Variants in PDGFD observed in about 807,000 individuals in gnomAD.
PDGFD encodes platelet derived growth factor D, also known as platelet-derived growth factor D.
In PDGFD, 30 loss-of-function variants were observed where a neutral mutation model predicts 44.7. That is an observed-to-expected ratio of 0.67 (90% CI 0.50 to 0.91). The LOEUF is 0.91. Among genes scored for constraint, PDGFD ranks in the 40% least tolerant of loss-of-function variants. The pLI, the probability that PDGFD is intolerant of heterozygous loss-of-function variation, is 0.00. For missense variants in PDGFD, 445 were observed against 457.8 expected, an observed-to-expected ratio of 0.97 and a Z score of 0.25; for synonymous variants, 173 against 168.4, an observed-to-expected ratio of 1.03 and a Z score of -0.21.
chr11:104,049,952 A>T (rs562862546), intron 1 of PDGFD, among the ~76,000 whole-genome samples: 1 of 152,304 alleles, frequency 6.6e-6, no homozygotes, highest in South Asian at 2.1e-4. Context: ...TCAGGAGAGA[A>T]TTCTTTCAGG....
chr11:103,923,920 C>T (rs890312800), intron 6 of PDGFD, among the ~76,000 whole-genome samples: 2 of 152,102 alleles, frequency 1.3e-5, no homozygotes, highest in African/African-American at 4.8e-5. Flanking sequence ...GATACAGTTT[C>T]AAAGGATGCC....
intron 1 of PDGFD, among the ~76,000 whole-genome samples, chr11:104,136,244 T>C (rs955010960): frequency 2.0e-5 from 3 of 152,304 alleles, no homozygotes; most frequent in South Asian, 2.1e-4. Context: ...AGGCTATATA[T>C]GACTGAATGC....
intron 1 of PDGFD, among the ~76,000 whole-genome samples, chr11:104,155,583 C>A (rs972746664): frequency 6.6e-6 from 1 of 152,156 alleles, no homozygotes; most frequent in African/African-American, 2.4e-5. Context: ...CCACATAAAC[C>A]AGGGTGATGT....
chr11:104,106,986 C>G (rs1861480547), intron 1 of PDGFD, among the ~76,000 whole-genome samples: 1 of 152,078 alleles, frequency 6.6e-6, no homozygotes, highest in South Asian at 2.1e-4. Context: ...CTCAAGTGAT[C>G]CTTCTGCCTC....
rs191108387 is a variant in PDGFD, at chr11:103,943,321, G to A, written c.772+131C>T. ...TGAGCCAGCAAGTATAAATGTAAAT[G>A]TTCCAAAATCCAAAAAGCATCCAAA... On this transcript the variant is annotated intron_variant, in intron 5 of 6. Coordinates refer to ENST00000393158, the MANE Select transcript of PDGFD (RefSeq NM_025208.5). 3.6e-4 allele frequency: 309 copies of A among 859,224 alleles called. 1 individual carries two copies. Among genetic ancestry groups the A allele is most frequent in the Admixed American group, 2.0e-3 (70 of 35,828 alleles). The allele number at this position is 859,224 out of a possible 1,614,324, so 53.2% of individuals were successfully genotyped here.
At chr11:104,098,348 G>C (rs1861315405) in intron 1 of PDGFD, among the ~76,000 whole-genome samples, 1 of 152,126 alleles carries the variant, frequency 6.6e-6, no homozygotes, top group Non-Finnish European at 1.5e-5. Context: ...GAAAGCAAAA[G>C]TAAGAAGAGG....
chr11:104,018,193 G>C (rs983179976), intron 1 of PDGFD, among the ~76,000 whole-genome samples: 1 of 150,644 alleles, frequency 6.6e-6, no homozygotes, highest in Non-Finnish European at 1.5e-5. Context: ...GGAAAATAAA[G>C]ACTGGGACTC....
chr11:104,008,945 TAACA>T (rs1859742533), intron 1 of PDGFD, among the ~76,000 whole-genome samples: 4 of 152,164 alleles, frequency 2.6e-5, no homozygotes, highest in African/African-American at 7.2e-5. Flanking sequence ...CATTTAAAGA[TAACA>T]AATAAAAGGC....
intron 1 of PDGFD, among the ~76,000 whole-genome samples, chr11:104,114,544 T>C (rs1861604134): frequency 6.6e-6 from 1 of 152,052 alleles, no homozygotes; most frequent in Non-Finnish European, 1.5e-5. Context: ...TCCAACTTTG[T>C]TTTCACATCC....
intron 1 of PDGFD, among the ~76,000 whole-genome samples, chr11:104,145,827 G>A (rs1016861422): frequency 6.6e-6 from 1 of 152,058 alleles, no homozygotes; most frequent in Non-Finnish European, 1.5e-5. Flanking sequence ...ACAGGGATAG[G>A]GCTCTAATAG....
At chr11:104,101,564 T>C (rs1861381731) in intron 1 of PDGFD, among the ~76,000 whole-genome samples, 1 of 152,126 alleles carries the variant, frequency 6.6e-6, no homozygotes, top group South Asian at 2.1e-4. Flanking sequence ...TTCACAGAAT[T>C]GGAAAAAACT....
chr11:103,949,090 C>T (rs534474734), intron 3 of PDGFD, among the ~76,000 whole-genome samples: 125 of 150,056 alleles, frequency 8.3e-4, no homozygotes, highest in Non-Finnish European at 1.4e-3. Context: ...GCAACCTCTG[C>T]CTCCCAGGTT....
intron 1 of PDGFD, among the ~76,000 whole-genome samples, chr11:104,017,465 A>G (rs898986722): frequency 1.3e-5 from 2 of 152,130 alleles, no homozygotes; most frequent in Non-Finnish European, 2.9e-5. Flanking sequence ...TTTAGTCTCT[A>G]TCTACTTTCT....
rs571672032 is a variant in PDGFD at position 103,929,911 on chromosome 11, C to A, written c.773-2785G>T. 4.3e-4 allele frequency among the ~76,000 whole-genome samples: 65 copies of A among 152,166 alleles called. 1 individual carries two copies. Among genetic ancestry groups the A allele is most frequent in the African/African-American group, 1.5e-3 (63 of 41,538 alleles). On this transcript the variant is annotated intron_variant, in intron 5 of 6. Coordinates refer to ENST00000393158, the MANE Select transcript of PDGFD (RefSeq NM_025208.5). Reference sequence around the variant, plus strand: ...TGAGACTTCTGGGAGGGAGACAGGCCAAGTGGTGTCAACCGAGAGAGAGGG... The same window carrying A: ...TGAGACTTCTGGGAGGGAGACAGGCAAAGTGGTGTCAACCGAGAGAGAGGG...
At chr11:103,980,551 A>G (rs1591105354) in intron 3 of PDGFD, among the ~76,000 whole-genome samples, 1 of 151,966 alleles carries the variant, frequency 6.6e-6, no homozygotes, top group Non-Finnish European at 1.5e-5. Context: ...TCGAACTGGG[A>G]AGTGGAATCT....
At chr11:104,156,140 ATGT>A (rs978569608) in intron 1 of PDGFD, among the ~76,000 whole-genome samples, 8 of 152,214 alleles carry the variant, frequency 5.3e-5, no homozygotes, top group African/African-American at 1.9e-4. Context: ...ATTTCAAAAC[ATGT>A]TGTACATGAT....
chr11:104,104,080 A>C (rs1262395577), intron 1 of PDGFD, among the ~76,000 whole-genome samples: 1 of 152,106 alleles, frequency 6.6e-6, no homozygotes, highest in Non-Finnish European at 1.5e-5. Flanking sequence ...TAATATGTTC[A>C]ATTGTGTCTT....
In PDGFD at chr11:103,933,340, T is replaced by C. The variant is rs1858436162; in HGVS notation, c.773-6214A>G. 2.0e-5 allele frequency among the ~76,000 whole-genome samples: 3 copies of C among 152,220 alleles called. No homozygotes were observed. In the South Asian group the frequency reaches 6.2e-4, roughly 32 times the overall value. ...ACTGTGATTTTCAGAATCCCTCTTC[T>C]ATAAATCAGCACATAATTATGAAAA... is the stretch of plus-strand genomic sequence containing the variant. On this transcript the variant is annotated intron_variant, in intron 5 of 6. Coordinates refer to ENST00000393158, the MANE Select transcript of PDGFD (RefSeq NM_025208.5).
intron 3 of PDGFD, among the ~76,000 whole-genome samples, chr11:103,993,867 A>G (rs889515007): frequency 6.6e-6 from 1 of 152,178 alleles, no homozygotes; most frequent in Non-Finnish European, 1.5e-5. Context: ...GCTATTCTCA[A>G]TGGACACAGA....
Sources: allele counts gnomAD v4.1 joint callset (sites outside exome capture counted in the v4.1 genomes callset), GRCh38; gene constraint gnomAD v4.1.1; transcripts MANE v1.5; gene names NCBI Gene and HGNC (gene_info 2026-07-23, HGNC 2026-07-21).